RARB: variants seen among roughly 807,000 people sequenced by gnomAD.
The protein encoded by RARB is retinoic acid receptor beta.
A neutral mutation model predicts 51.9 loss-of-function variants in RARB; 17 were observed. The ratio of observed to expected loss-of-function variants is 0.33; its 90% CI spans 0.22 to 0.49. RARB has a LOEUF of 0.49. Among genes scored for constraint, RARB ranks in the 20% least tolerant of loss-of-function variants. The probability of loss-of-function intolerance (pLI) is 0.99; values close to 1 mark genes in which losing one functional copy is unlikely to be tolerated. For missense variants in RARB, 369 were observed against 550.8 expected (o/e 0.67, Z 3.30); for synonymous variants, 215 against 195.4 (o/e 1.10, Z -0.84).
At chr3:25,210,852 A>G (rs1701679383) in intron 5 of RARB, among the ~76,000 whole-genome samples, 2 of 151,908 alleles carry the variant, frequency 1.3e-5, no homozygotes, top group Admixed American at 6.6e-5. Flanking sequence ...GATTCTTTAC[A>G]GGAAAACGTT....
intron 3 of RARB, among the ~76,000 whole-genome samples, chr3:25,559,052 C>T (rs2125676616): frequency 6.6e-6 from 1 of 152,202 alleles, no homozygotes; most frequent in African/African-American, 2.4e-5. Flanking sequence ...CTCCCCCATC[C>T]AGAATGTTTT....
At chr3:25,202,036 G>T (rs1008969631) in intron 5 of RARB, among the ~76,000 whole-genome samples, 3 of 152,188 alleles carry the variant, frequency 2.0e-5, no homozygotes, top group East Asian at 3.9e-4. Flanking sequence ...GTATCCTGGT[G>T]GAATTCAGCT....
chr3:25,148,379 C>T (rs777306047), intron 4 of RARB, among the ~76,000 whole-genome samples: 8 of 152,178 alleles, frequency 5.3e-5, no homozygotes, highest in Non-Finnish European at 8.8e-5. Flanking sequence ...TAAATGGTCT[C>T]ATAAATTACA....
chr3:25,110,702 T>C (rs779458860), intron 3 of RARB, among the ~76,000 whole-genome samples: 10 of 152,204 alleles, frequency 6.6e-5, no homozygotes, highest in East Asian at 1.9e-4. Flanking sequence ...TTAAAAGATA[T>C]TAAATTTCAA....
chr3:24,874,635 A>G (rs1559378976), intron 2 of RARB, among the ~76,000 whole-genome samples: 1 of 151,566 alleles, frequency 6.6e-6, no homozygotes, highest in African/African-American at 2.4e-5. Flanking sequence ...ATTTTGACTC[A>G]TTTCTTTTTC....
intron 1 of RARB, among the ~76,000 whole-genome samples, chr3:24,850,528 G>C (rs916897140): frequency 6.6e-6 from 1 of 152,238 alleles, no homozygotes; most frequent in Non-Finnish European, 1.5e-5. Flanking sequence ...GGATAACAGA[G>C]TCAAGAGATT....
intron 2 of RARB, among the ~76,000 whole-genome samples, chr3:24,947,271 AC>A (rs1286006029): frequency 6.6e-6 from 1 of 152,236 alleles, no homozygotes; most frequent in Non-Finnish European, 1.5e-5. Flanking sequence ...TCATACGTGA[AC>A]CTATATAATA....
At chr3:25,370,542 A>T (rs1706266335) in intron 5 of RARB, among the ~76,000 whole-genome samples, 1 of 152,088 alleles carries the variant, frequency 6.6e-6, no homozygotes, top group South Asian at 2.1e-4. Flanking sequence ...TAAATATGAG[A>T]GAGGATTGAG....
intron 4 of RARB, among the ~76,000 whole-genome samples, chr3:25,140,051 G>A (rs1010481001): frequency 1.3e-5 from 2 of 151,728 alleles, no homozygotes; most frequent in Admixed American, 6.6e-5. Context: ...AATGCACCTG[G>A]TCACTCAAGA....
At chr3:25,253,069 T>C (rs912463392) in intron 5 of RARB, among the ~76,000 whole-genome samples, 1 of 152,184 alleles carries the variant, frequency 6.6e-6, no homozygotes, top group Non-Finnish European at 1.5e-5. Flanking sequence ...CAAATCTTGA[T>C]TACATGTGGG....
intron 5 of RARB, among the ~76,000 whole-genome samples, chr3:25,203,764 C>T (rs959383282): frequency 2.0e-5 from 3 of 152,334 alleles, no homozygotes; most frequent in Admixed American, 6.5e-5. Flanking sequence ...TTGGCCCCCA[C>T]TCTCTTCTGG....
intron 2 of RARB, among the ~76,000 whole-genome samples, chr3:25,001,756 C>T (rs1458417481): frequency 2.0e-5 from 3 of 152,278 alleles, no homozygotes; most frequent in Admixed American, 6.5e-5. Flanking sequence ...TGATTTTTTA[C>T]TTATCTCAAG....
At chr3:25,468,091 A>G (rs935587029) in intron 2 of RARB, among the ~76,000 whole-genome samples, 1 of 152,200 alleles carries the variant, frequency 6.6e-6, no homozygotes, top group Non-Finnish European at 1.5e-5. Flanking sequence ...GTCAGAAACC[A>G]AACACTTGGA....
intron 3 of RARB, among the ~76,000 whole-genome samples, chr3:25,501,868 C>T (rs1223274409): frequency 1.3e-5 from 2 of 152,106 alleles, no homozygotes; most frequent in South Asian, 4.1e-4. Context: ...TTTATTAGTG[C>T]AAAAGATATT....
chr3:25,257,708 CAG>C (rs1430926265), intron 5 of RARB, among the ~76,000 whole-genome samples: 4 of 152,194 alleles, frequency 2.6e-5, no homozygotes, highest in Admixed American at 2.0e-4. Context: ...TCTCTATTTA[CAG>C]AGTCTTCCAA....
At chr3:25,181,456 A>T (rs527727708) in intron 5 of RARB, among the ~76,000 whole-genome samples, 1 of 152,136 alleles carries the variant, frequency 6.6e-6, no homozygotes, top group Non-Finnish European at 1.5e-5. Context: ...CTGGTGAGGG[A>T]ATTTTGGAAA....
rs138389529 is a variant in RARB at position 25,163,504 on chromosome 3, A to AATATATATATAT, written c.-279-10592_-279-10581dup. Among the ~76,000 whole-genome samples, 1,159 of 130,616 alleles carry AATATATATATAT rather than the reference A, an allele frequency of 8.9e-3. 14 individuals carry two copies. The highest frequency in any genetic ancestry group is 0.014 in the Non-Finnish European group (856 of 62,548). The allele number at this position is 130,616 out of a possible 152,430, so 85.7% of individuals were successfully genotyped here. On this transcript the variant is annotated intron_variant, in intron 4 of 11. Transcript: ENST00000383772. ...TGAGCAGAATAAGACCCTATCTCAA[A>AATATATATATAT]ATATATATATATATATATATATATA... is the stretch of plus-strand genomic sequence containing the variant.
In RARB at chr3:25,597,414, TTA is replaced by T. The variant is rs1701890559; in HGVS notation, c.*799_*800del. ...TTTAATGACATAACTACACAGTTAG[TTA>T]AAAAAAATTTTTTTACAGTAATGAT... On this transcript the variant is annotated 3_prime_UTR_variant, in exon 8 of 8. Coordinates refer to ENST00000330688, the MANE Select transcript of RARB (RefSeq NM_000965.5). 1 of 137,292 alleles carries T rather than the reference TTA, an allele frequency of 7.3e-6. No homozygotes were observed. Among genetic ancestry groups the T allele is most frequent in the Non-Finnish European group, 1.6e-5 (1 of 64,360 alleles). The allele number at this position is 137,292 out of a possible 1,614,324, so 8.5% of individuals were successfully genotyped here. A position where few individuals can be genotyped will look rare whatever the true frequency, so the allele number is the denominator to read the frequency against.
intron 2 of RARB, among the ~76,000 whole-genome samples, chr3:25,008,570 A>T (rs971307339): frequency 3.9e-5 from 6 of 152,052 alleles, no homozygotes; most frequent in Non-Finnish European, 7.4e-5. Context: ...TATTGGGCTC[A>T]CCTCAGTAAG....
Sources: gnomAD v4.1 joint callset for allele counts (sites outside exome capture counted in the v4.1 genomes callset) on GRCh38, gnomAD v4.1.1 for gene constraint, MANE v1.5 for transcripts, NCBI Gene and HGNC (gene_info 2026-07-23, HGNC 2026-07-21) for gene names.